Variants in LINGO2 observed in about 807,000 individuals in gnomAD.
LINGO2 encodes leucine-rich repeat and immunoglobulin-like domain-containing nogo receptor-interacting protein 2.
A neutral mutation model predicts 30.6 loss-of-function variants in LINGO2; 14 were observed. The observed-to-expected ratio is 0.46, with a 90% CI of 0.30 to 0.72. The LOEUF is 0.72. LINGO2 is among the 30% of genes least tolerant of loss of function. The pLI is 0.07. For missense variants in LINGO2, 729 were observed against 751.7 expected (o/e 0.97, Z 0.35); for synonymous variants, 317 against 288.5 (o/e 1.10, Z -1.00).
chr9:28,473,895 T>C (rs1033451257), intron 2 of LINGO2, among the ~76,000 whole-genome samples: 3 of 151,894 alleles, frequency 2.0e-5, no homozygotes, highest in African/African-American at 7.3e-5. Flanking sequence ...CAAGCACTGC[T>C]AAGAAAAAAA....
chr9:29,121,734 C>T, the LINGO2 span, among the ~76,000 whole-genome samples: 82 of 152,144 alleles, frequency 5.4e-4, no homozygotes, highest in South Asian at 7.5e-3. Context: ...CATCTCAGAA[C>T]GGCATCAGAG....
At chr9:28,207,663 C>T (rs1233817694) in intron 4 of LINGO2, among the ~76,000 whole-genome samples, 1 of 151,998 alleles carries the variant, frequency 6.6e-6, no homozygotes, top group Non-Finnish European at 1.5e-5. Context: ...AAAAAAGGTA[C>T]CTACGTTTGA....
chr9:29,043,497 T>A, the LINGO2 span, among the ~76,000 whole-genome samples: 1 of 151,986 alleles, frequency 6.6e-6, no homozygotes, highest in Non-Finnish European at 1.5e-5. Context: ...GAATCTGGGT[T>A]CCATGCAATA....
intron 5 of LINGO2, among the ~76,000 whole-genome samples, chr9:27,965,464 G>T (rs1297090016): frequency 6.7e-6 from 1 of 150,016 alleles, no homozygotes; most frequent in African/African-American, 2.4e-5. Flanking sequence ...TTTCTCTCTG[G>T]GTTATGCTTT....
At chr9:28,084,777 T>C (rs1481040173) in intron 4 of LINGO2, among the ~76,000 whole-genome samples, 1 of 152,184 alleles carries the variant, frequency 6.6e-6, no homozygotes, top group Non-Finnish European at 1.5e-5. Context: ...AGTAGATGTT[T>C]CATCCAGCAC....
the LINGO2 span, among the ~76,000 whole-genome samples, chr9:28,984,492 A>T: frequency 6.6e-6 from 1 of 152,076 alleles, no homozygotes; most frequent in Non-Finnish European, 1.5e-5. Context: ...AATAACAATT[A>T]TTTGAATCAG....
At chr9:28,635,899 G>A (rs992351942) in intron 1 of LINGO2, among the ~76,000 whole-genome samples, 1 of 152,086 alleles carries the variant, frequency 6.6e-6, no homozygotes, top group African/African-American at 2.4e-5. Context: ...ATGTATACAT[G>A]TGCCATGTTG....
intron 3 of LINGO2, among the ~76,000 whole-genome samples, chr9:28,352,577 C>T (rs1049165299): frequency 1.7e-4 from 24 of 139,170 alleles, no homozygotes; most frequent in African/African-American, 6.0e-4. Context: ...CCATACTGCC[C>T]AAGGTAATTT....
the LINGO2 span, among the ~76,000 whole-genome samples, chr9:28,859,817 C>T: frequency 1.3e-5 from 2 of 151,826 alleles, no homozygotes; most frequent in Non-Finnish European, 2.9e-5. Context: ...ACACCAGGAA[C>T]TGTAATTTCA....
At chr9:28,321,767 T>A (rs1386110702) in intron 3 of LINGO2, among the ~76,000 whole-genome samples, 1 of 152,144 alleles carries the variant, frequency 6.6e-6, no homozygotes, top group East Asian at 1.9e-4. Context: ...ATGCTGAACA[T>A]ATTTTAGGTC....
At chr9:28,085,984 G>GGGGGGGT (rs1179045873) in intron 4 of LINGO2, among the ~76,000 whole-genome samples, 1 of 151,956 alleles carries the variant, frequency 6.6e-6, no homozygotes, top group African/African-American at 2.4e-5. Flanking sequence ...ATGTGCATGG[G>GGGGGGGT]TAGTATGTTT....
intron 3 of LINGO2, among the ~76,000 whole-genome samples, chr9:28,298,676 T>G (rs1189812981): frequency 2.8e-5 from 4 of 142,324 alleles, no homozygotes; most frequent in African/African-American, 1.0e-4. Context: ...AGAGCAAAAC[T>G]CTGTCTCAAA....
intron 1 of LINGO2, among the ~76,000 whole-genome samples, chr9:28,649,979 C>T (rs929061527): frequency 4.6e-5 from 7 of 151,470 alleles, no homozygotes; most frequent in African/African-American, 1.5e-4. Context: ...ATGAGCCTTA[C>T]CCAGTGGAAG....
the LINGO2 span, among the ~76,000 whole-genome samples, chr9:29,018,183 A>G: frequency 2.6e-4 from 39 of 150,654 alleles, 1 homozygote; most frequent in Middle Eastern, 0.01. Flanking sequence ...AACTGATGCA[A>G]GAAGAGAAAA....
chr9:29,212,969 A>G, the LINGO2 span, among the ~76,000 whole-genome samples: 16 of 152,192 alleles, frequency 1.1e-4, no homozygotes, highest in South Asian at 8.3e-4. Context: ...TCCCAAGCCA[A>G]GGATGCGACG....
At chr9:28,054,064 C>CA (rs11461978) in intron 4 of LINGO2, among the ~76,000 whole-genome samples, 16,616 of 149,118 alleles carry the variant, frequency 0.11, 1,480 homozygotes, top group African/African-American at 0.25. Flanking sequence ...AGCTAGCAGA[C>CA]AAAAAAAAAG....
At chr9:28,736,948 A>G in the LINGO2 span, among the ~76,000 whole-genome samples, 1 of 152,176 alleles carries the variant, frequency 6.6e-6, no homozygotes, top group African/African-American at 2.4e-5. Context: ...GTAAATTGCT[A>G]TAAAACATTC....
chr9:28,342,514 C>T (rs1177998186), intron 3 of LINGO2, among the ~76,000 whole-genome samples: 2 of 152,078 alleles, frequency 1.3e-5, no homozygotes, highest in African/African-American at 4.8e-5. Context: ...GTCAGGTATC[C>T]TCGTGGCTGC....
intron 4 of LINGO2, among the ~76,000 whole-genome samples, chr9:28,068,432 A>G (rs1825376734): frequency 6.6e-6 from 1 of 152,114 alleles, no homozygotes; most frequent in African/African-American, 2.4e-5. Flanking sequence ...ATCTCATCAT[A>G]AGGACTCCAT....
Sources: allele counts gnomAD v4.1 joint callset (sites outside exome capture counted in the v4.1 genomes callset), GRCh38; gene constraint gnomAD v4.1.1; transcripts MANE v1.5; gene names NCBI Gene and HGNC (gene_info 2026-07-23, HGNC 2026-07-21).